The following THADA variants were observed in gnomAD, a reference collection of about 807,000 sequenced individuals.
The protein encoded by THADA is THADA armadillo repeat containing, also known as tRNA (32-2'-O)-methyltransferase regulator THADA.
In THADA, 213 loss-of-function variants were observed where a neutral mutation model predicts 219.8. The observed-to-expected ratio is 0.97, with a 90% CI of 0.87 to 1.09. The LOEUF (loss-of-function observed/expected upper bound fraction) is 1.09, where lower values mean the gene tolerates loss of function less well. Ranked by LOEUF, THADA falls within the 50% of genes least tolerant of loss-of-function variation. THADA has a pLI of 0.00. For missense variants in THADA, 2,956 were observed against 2,311.3 expected, an observed-to-expected ratio of 1.28 and a Z score of -5.72; for synonymous variants, 1,018 against 828.9, an observed-to-expected ratio of 1.23 and a Z score of -3.92.
At chr2:43,566,367 A>C in intron 15 of THADA, 1 of 607,338 alleles carries the variant, frequency 1.6e-6, no homozygotes, top group South Asian at 2.2e-5. Context: ...ATTATTTCAA[A>C]TTTTAAAACT....
chr2:43,360,495 G>T (rs570119329), intron 29 of THADA, among the ~76,000 whole-genome samples: 1 of 152,160 alleles, frequency 6.6e-6, no homozygotes, highest in Non-Finnish European at 1.5e-5. Context: ...AGCCTTTTAA[G>T]TCCTAGCCTA....
chr2:43,501,808 G>C (rs1407760966), intron 24 of THADA, among the ~76,000 whole-genome samples: 1 of 152,132 alleles, frequency 6.6e-6, no homozygotes, highest in Non-Finnish European at 1.5e-5. Flanking sequence ...GCTGGGAGTG[G>C]TGGCACATGC....
chr2:43,556,326 A>G lies in THADA; in HGVS notation c.2674+19T>C. 1.2e-6 allele frequency: 2 copies of G among 1,612,294 alleles called. No individual in the cohort carries two copies. Among genetic ancestry groups the G allele is most frequent in the Non-Finnish European group, 1.7e-6 (2 of 1,178,942 alleles). ...AGACTAAGCTATTCGTTTTGATAAG[A>G]GCAAACATCAATACAAACCCATTAA... On this transcript the variant is annotated intron_variant, in intron 17 of 37. Transcript: ENST00000405975.
chr2:43,249,021 C>T (rs1669546834), intron 36 of THADA, among the ~76,000 whole-genome samples: 1 of 152,162 alleles, frequency 6.6e-6, no homozygotes, highest in Non-Finnish European at 1.5e-5. Flanking sequence ...AACTTGTCAC[C>T]TCTCCATCCC....
intron 26 of THADA, among the ~76,000 whole-genome samples, 187 bp from the exon 27 acceptor site, chr2:43,430,489 T>C (rs990982496): frequency 6.6e-6 from 1 of 152,262 alleles, no homozygotes; most frequent in Admixed American, 6.5e-5. Flanking sequence ...ATTTCTGAAG[T>C]GCTCTCAATC....
intron 32 of THADA, 57 bp downstream of exon 32, chr2:43,292,777 G>A: frequency 1.9e-6 from 3 of 1,560,378 alleles, no homozygotes; most frequent in Non-Finnish European, 2.6e-6. Flanking sequence ...CCATTCCAGT[G>A]GCTCACAAAA....
Position 43,232,723 on chromosome 2 carries a change from C to A in THADA, c.5456G>T (p.Ser1819Ile). ...ESDDLVACVESMHQVEEDYLF... is the reference protein window; with the variant it reads ...ESDDLVACVEIMHQVEEDYLF... ...ACACCCCGGGATCACCTGATGCATG[C>A]TCTCCACACAGGCCACGAGGTCATC... Residue 1819 changes from serine (S) to isoleucine (I), a missense_variant, in exon 37 of 38, where the codon AGC becomes ATC. Transcript: ENST00000405975. The A allele has an allele frequency of 1.2e-6, 2 of 1,613,932 alleles. No homozygotes were observed. The highest frequency in any genetic ancestry group is 1.7e-6 in the Non-Finnish European group (2 of 1,179,846).
rs538853368 is a variant in THADA at position 43,480,086 on chromosome 2, T to C, written c.3836+5148A>G. On this transcript the variant is annotated intron_variant, in intron 26 of 37. Coordinates refer to ENST00000405975, the MANE Select transcript of THADA (RefSeq NM_022065.5). ...CCTGCCCATGAGGGAATCCGTTGTT[T>C]GGTGTGTAACAGCATGTGCTCTGCA... Among the ~76,000 whole-genome samples, 6 of 152,330 alleles carry C rather than the reference T, an allele frequency of 3.9e-5. No individual in the cohort carries two copies. The South Asian group carries it at 1.2e-3, about 32-fold the overall frequency.
chr2:43,402,887 G>C (rs1353103057), intron 28 of THADA, among the ~76,000 whole-genome samples: 1 of 152,168 alleles, frequency 6.6e-6, no homozygotes, highest in African/African-American at 2.4e-5. Context: ...GAGAGCGCTT[G>C]GGTTTGGCAA....
intron 28 of THADA, among the ~76,000 whole-genome samples, chr2:43,406,212 T>C (rs1232651208): frequency 1.3e-5 from 2 of 152,212 alleles, no homozygotes; most frequent in Admixed American, 1.3e-4. Flanking sequence ...TACCATCCCT[T>C]TCAGTGCCAG....
intron 8 of THADA, among the ~76,000 whole-genome samples, chr2:43,580,608 C>T (rs1027202038): frequency 1.4e-4 from 21 of 151,808 alleles, no homozygotes; most frequent in Non-Finnish European, 2.8e-4. Flanking sequence ...AGGCCAGGCG[C>T]GGTGGCTCAC....
chr2:43,336,837 C>T (rs1027581104), intron 30 of THADA, among the ~76,000 whole-genome samples: 2 of 152,156 alleles, frequency 1.3e-5, no homozygotes, highest in East Asian at 3.8e-4. Flanking sequence ...ACTCCTGTTT[C>T]CATGGGAGCT....
In THADA at chr2:43,465,876, T is replaced by A. The variant is rs149201545; in HGVS notation, c.3836+19358A>T. On this transcript the variant is annotated intron_variant, in intron 26 of 37. Transcript: ENST00000405975. The stretch of plus-strand genomic sequence containing the variant: ...CACAGGGGCAAAACTGAACTTGGTA[T>A]CTTCCCCCACCAGTCTGTTCCTCCT... 7.1e-3 allele frequency among the ~76,000 whole-genome samples: 1,081 copies of A among 152,286 alleles called. 10 individuals are homozygous for A. Among genetic ancestry groups the A allele is most frequent in the African/African-American group, 0.025 (1,029 of 41,556 alleles).
At chr2:43,308,784 A>AAAAAT (rs1677165443) in intron 31 of THADA, among the ~76,000 whole-genome samples, 4 of 143,734 alleles carry the variant, frequency 2.8e-5, no homozygotes, top group Non-Finnish European at 6.1e-5. Context: ...AAAAAAAAAA[A>AAAAAT]GAATGCCAAC....
intron 28 of THADA, among the ~76,000 whole-genome samples, chr2:43,424,471 A>G (rs979410829): frequency 6.6e-6 from 1 of 152,180 alleles, no homozygotes. Context: ...CCCACTGTGC[A>G]TACACCCATC....
chr2:43,496,246 T>C (rs1423894795), intron 25 of THADA, among the ~76,000 whole-genome samples: 1 of 152,190 alleles, frequency 6.6e-6, no homozygotes, highest in East Asian at 1.9e-4. Context: ...CTCCTTACTC[T>C]AGAAGACATG....
intron 1 of THADA, among the ~76,000 whole-genome samples, chr2:43,593,991 G>C (rs913709372): frequency 2.6e-5 from 4 of 152,278 alleles, no homozygotes; most frequent in Middle Eastern, 3.4e-3. Flanking sequence ...CAGGGAAACA[G>C]ATTCCAGATC....
chr2:43,488,548 A>C (rs1346366864), intron 25 of THADA, among the ~76,000 whole-genome samples: 5 of 152,184 alleles, frequency 3.3e-5, no homozygotes, highest in African/African-American at 4.8e-5. Flanking sequence ...ATCCCATTGT[A>C]CAGATATACC....
chr2:43,260,562 A>G (rs1670823907), intron 36 of THADA, among the ~76,000 whole-genome samples: 1 of 152,208 alleles, frequency 6.6e-6, no homozygotes, highest in African/African-American at 2.4e-5. Context: ...TCCTCTGAAG[A>G]CAGGTTCATC....
Sources: allele counts gnomAD v4.1 joint callset (sites outside exome capture counted in the v4.1 genomes callset), GRCh38; gene constraint gnomAD v4.1.1; transcripts MANE v1.5; gene names NCBI Gene and HGNC (gene_info 2026-07-23, HGNC 2026-07-21).